The following NALF1 variants were observed in gnomAD, a reference collection of about 807,000 sequenced individuals.
NALF1 encodes family with sequence similarity 155 member A.
Under a neutral mutation model 48.4 loss-of-function variants are expected in NALF1, and 3 were observed. The ratio of observed to expected loss-of-function variants is 0.06; its 90% confidence interval spans 0.03 to 0.16. The LOEUF (loss-of-function observed/expected upper bound fraction) is 0.16, where lower values mean the gene tolerates loss of function less well. NALF1 is among the 10% of genes least tolerant of loss of function. The pLI, the probability that NALF1 is intolerant of heterozygous loss-of-function variation, is 1.00. For synonymous variants in NALF1, 262 were observed against 245.7 expected, an observed-to-expected ratio of 1.07 and a Z score of -0.62; for missense variants, 526 against 571.5, an observed-to-expected ratio of 0.92 and a Z score of 0.81.
chr13:107,703,102 A>C (rs1296245328), intron 1 of NALF1, among the ~76,000 whole-genome samples: 1 of 152,130 alleles, frequency 6.6e-6, no homozygotes, highest in Non-Finnish European at 1.5e-5. Context: ...TCTGCCTCAG[A>C]AATGTTCTAC....
chr13:107,478,016 C>CTGTGTACT (rs1371811151), intron 1 of NALF1, among the ~76,000 whole-genome samples: 2 of 152,146 alleles, frequency 1.3e-5, no homozygotes, highest in Non-Finnish European at 2.9e-5. Flanking sequence ...TTAGTACACT[C>CTGTGTACT]AGACAACCTA....
intron 1 of NALF1, among the ~76,000 whole-genome samples, chr13:107,685,014 T>G (rs1881400871): frequency 6.6e-6 from 1 of 152,120 alleles, no homozygotes. Flanking sequence ...TCATCTTCCT[T>G]CCTAGTTAAA....
At chr13:107,759,423 T>G (rs1877204003) in intron 1 of NALF1, among the ~76,000 whole-genome samples, 1 of 152,164 alleles carries the variant, frequency 6.6e-6, no homozygotes, top group South Asian at 2.1e-4. Flanking sequence ...TTAGCCAGGA[T>G]GGTCTCCATC....
intron 1 of NALF1, among the ~76,000 whole-genome samples, chr13:107,517,641 CAACA>C (rs746597670): frequency 1.4e-5 from 2 of 145,554 alleles, no homozygotes; most frequent in South Asian, 2.2e-4. Flanking sequence ...TTTCAAACAC[CAACA>C]AACAAACAAA....
In NALF1 at chr13:107,303,828, T is replaced by C. The variant is rs561409598; in HGVS notation, c.916-93073A>G. 7.0e-4 allele frequency among the ~76,000 whole-genome samples: 107 copies of C among 152,352 alleles called. 1 individual carries two copies. The South Asian group carries it at 8.1e-3, about 11-fold the overall frequency. Reference sequence around the variant, plus strand: ...TCTTTTAGCAGACTGAGTTTTTTTTTCTAGGAGATATTCAACTAGTTGAGT... The same window carrying C: ...TCTTTTAGCAGACTGAGTTTTTTTTCCTAGGAGATATTCAACTAGTTGAGT... On this transcript the variant is annotated intron_variant, in intron 1 of 2. Transcript: ENST00000375915.
At chr13:107,695,700 A>C (rs1881683606) in intron 1 of NALF1, among the ~76,000 whole-genome samples, 1 of 152,174 alleles carries the variant, frequency 6.6e-6, no homozygotes, top group South Asian at 2.1e-4. Context: ...TCTCTCTATT[A>C]TAGCACGTAT....
chr13:107,526,945 T>C (rs1876466392), intron 1 of NALF1, among the ~76,000 whole-genome samples: 1 of 152,186 alleles, frequency 6.6e-6, no homozygotes, highest in South Asian at 2.1e-4. Context: ...AAGTATAGTC[T>C]AACCTAGTTT....
intron 1 of NALF1, among the ~76,000 whole-genome samples, chr13:107,582,431 G>C (rs1467520665): frequency 1.3e-5 from 2 of 152,196 alleles, no homozygotes; most frequent in Non-Finnish European, 2.9e-5. Context: ...GATAACACTT[G>C]CATCTAGTCC....
intron 1 of NALF1, among the ~76,000 whole-genome samples, chr13:107,545,105 C>G (rs1330194571): frequency 9.9e-5 from 15 of 152,214 alleles, no homozygotes; most frequent in Non-Finnish European, 2.9e-5. Flanking sequence ...AAATAGGTCT[C>G]TATAGATGCA....
chr13:107,781,069 A>G (rs1301206264), intron 1 of NALF1, among the ~76,000 whole-genome samples: 2 of 152,234 alleles, frequency 1.3e-5, no homozygotes, highest in African/African-American at 4.8e-5. Flanking sequence ...TCAAATTTAT[A>G]GTGGATTTGC....
At chr13:107,224,620 C>T (rs1247417550) in intron 1 of NALF1, among the ~76,000 whole-genome samples, 2 of 151,940 alleles carry the variant, frequency 1.3e-5, no homozygotes, top group Admixed American at 6.6e-5. Context: ...TGTGTTTTGC[C>T]GTGCTGACTG....
chr13:107,548,470 G>C (rs1877199015), intron 1 of NALF1, among the ~76,000 whole-genome samples: 1 of 152,074 alleles, frequency 6.6e-6, no homozygotes, highest in African/African-American at 2.4e-5. Context: ...ATATCCCTCT[G>C]GGTATACATC....
chr13:107,752,785 G>C (rs957440229), intron 1 of NALF1, among the ~76,000 whole-genome samples: 1 of 152,114 alleles, frequency 6.6e-6, no homozygotes, highest in African/African-American at 2.4e-5. Context: ...ACTCAAGTAA[G>C]TCATTGTATA....
intron 1 of NALF1, among the ~76,000 whole-genome samples, chr13:107,645,680 C>CAAAAA (rs56187783): frequency 7.5e-6 from 1 of 132,504 alleles, no homozygotes; most frequent in African/African-American, 2.9e-5. Flanking sequence ...TACTGGGAGA[C>CAAAAA]AAAAAAAAAA....
intron 1 of NALF1, among the ~76,000 whole-genome samples, chr13:107,350,683 T>C (rs761830359): frequency 2.0e-5 from 3 of 152,238 alleles, no homozygotes; most frequent in Non-Finnish European, 4.4e-5. Context: ...TTTTTCCCTT[T>C]TCCTGAGCGT....
chr13:107,859,404 T>C (rs1009465150), intron 1 of NALF1, among the ~76,000 whole-genome samples: 29 of 152,208 alleles, frequency 1.9e-4, no homozygotes, highest in Non-Finnish European at 3.2e-4. Flanking sequence ...CTATAAATTT[T>C]GTTTGTAAAT....
intron 1 of NALF1, among the ~76,000 whole-genome samples, chr13:107,593,960 T>TA (rs1285857132): frequency 3.3e-5 from 5 of 152,004 alleles, no homozygotes; most frequent in Non-Finnish European, 5.9e-5. Context: ...AACTGTAGAA[T>TA]ACCGAGCTTT....
intron 1 of NALF1, among the ~76,000 whole-genome samples, chr13:107,841,050 C>A (rs571337647): frequency 2.6e-5 from 4 of 152,160 alleles, no homozygotes; most frequent in South Asian, 4.1e-4. Flanking sequence ...TCTTGAGGGG[C>A]AGGGGTCATC....
At position 107,702,132 on chromosome 13, in the gene NALF1, T is replaced by C. The variant is rs998199216; in HGVS notation, c.915+163550A>G. ...ACATATATGGAATTGTTGACAACCC[T>C]GTGTAATATCGAGAGTACGGAACTT... On this transcript the variant is annotated intron_variant, in intron 1 of 2. Transcript: ENST00000375915. Among the ~76,000 whole-genome samples, 12 of 152,304 alleles carry C rather than the reference T, an allele frequency of 7.9e-5. No homozygotes were observed. The South Asian group carries it at 2.5e-3, about 32-fold the overall frequency.
Sources: gnomAD v4.1 joint callset for allele counts (sites outside exome capture counted in the v4.1 genomes callset) on GRCh38, gnomAD v4.1.1 for gene constraint, MANE v1.5 for transcripts, NCBI Gene and HGNC (gene_info 2026-07-23, HGNC 2026-07-21) for gene names.